Variants in DUSP3 observed in about 807,000 individuals in gnomAD.
DUSP3 encodes dual specificity protein phosphatase 3.
In DUSP3, 7 loss-of-function variants were observed where a neutral mutation model predicts 15.5. That is an observed-to-expected ratio of 0.45 (90% CI 0.26 to 0.85). The LOEUF (loss-of-function observed/expected upper bound fraction) is 0.85, where lower values mean the gene tolerates loss of function less well. Among genes scored for constraint, DUSP3 ranks in the 40% least tolerant of loss-of-function variants. DUSP3 has a pLI of 0.18. For missense variants in DUSP3, 209 were observed against 251.7 expected (o/e 0.83, Z 1.15); for synonymous variants, 86 against 104.2 (o/e 0.83, Z 1.07).
Position 43,769,577 on chromosome 17 carries a change from C to T in DUSP3, c.*32G>A, listed in dbSNP as rs370043858. Reference sequence around the variant, plus strand: ...ACACCTTTGCCCACGGCCTCCCCCACGGACCTCTCGAGCAGAGGTGGTGGG... The same window carrying T: ...ACACCTTTGCCCACGGCCTCCCCCATGGACCTCTCGAGCAGAGGTGGTGGG... On this transcript the variant is annotated 3_prime_UTR_variant, in exon 3 of 3. Coordinates refer to ENST00000226004, the MANE Select transcript of DUSP3 (RefSeq NM_004090.4). 7.9e-5 allele frequency: 127 copies of T among 1,609,280 alleles called. No homozygotes were observed. The African/African-American group carries it at 1.2e-3, about 15-fold the overall frequency.
In DUSP3 at chr17:43,769,405, G is replaced by A. The variant is rs752517247; in HGVS notation, c.*204C>T. ...GTTACAGAAACAGGACAACTGGGGA[G>A]CAAGGACGCCCCCCTTGGCAAGCTT... On this transcript the variant is annotated 3_prime_UTR_variant, in exon 3 of 3. Transcript: ENST00000226004. The A allele has an allele frequency of 5.2e-6, 3 of 573,692 alleles. No individual in the cohort carries two copies. The highest frequency in any genetic ancestry group is 9.1e-6 in the Non-Finnish European group (3 of 331,364). The allele number at this position is 573,692 out of a possible 1,614,324, so 35.5% of individuals were successfully genotyped here. A position where few individuals can be genotyped will look rare whatever the true frequency, so the allele number is the denominator to read the frequency against.
intron 2 of DUSP3, among the ~76,000 whole-genome samples, chr17:43,772,069 A>C (rs960808839): frequency 1.3e-5 from 2 of 152,026 alleles, no homozygotes; most frequent in Admixed American, 6.6e-5. Context: ...ATGCGTTACA[A>C]TCTCTAGCAT....
chr17:43,769,956 T>C, intron 2 of DUSP3, 142 bp from the exon 3 acceptor site: 2 of 969,338 alleles, frequency 2.1e-6, no homozygotes, highest in South Asian at 1.5e-5. Flanking sequence ...ATGAAAAGGA[T>C]GGAAAACCCA....
At chr17:43,770,647 G>A (rs1461517885) in intron 2 of DUSP3, among the ~76,000 whole-genome samples, 4 of 151,448 alleles carry the variant, frequency 2.6e-5, no homozygotes, top group African/African-American at 7.3e-5. Flanking sequence ...GTGACAGAGC[G>A]AGACTCTGTC....
chr17:43,770,688 G>A (rs1252894478), intron 2 of DUSP3, among the ~76,000 whole-genome samples: 3 of 151,562 alleles, frequency 2.0e-5, no homozygotes, highest in Admixed American at 6.6e-5. Flanking sequence ...GCGTGGCAGA[G>A]GCCCTGGGAG....
intron 2 of DUSP3, 45 bp downstream of exon 2, chr17:43,774,667 C>T (rs746924596): frequency 2.1e-5 from 33 of 1,600,970 alleles, no homozygotes; most frequent in Non-Finnish European, 2.8e-5. Flanking sequence ...AGGGACAGTC[C>T]AGTCAGAGCT....
intron 1 of DUSP3, among the ~76,000 whole-genome samples, chr17:43,778,499 C>T (rs1471361164): frequency 1.3e-5 from 2 of 152,170 alleles, no homozygotes; most frequent in Admixed American, 6.5e-5. Context: ...GTAGCCCCGA[C>T]CCCGCCCAAG....
chr17:43,773,991 T>TGGGAGGCTGAGGC (rs1289116285), intron 2 of DUSP3: 1 of 192,078 alleles, frequency 5.2e-6, no homozygotes, highest in African/African-American at 2.4e-5. Flanking sequence ...CCCAGCTACT[T>TGGGAGGCTGAGGC]GGGAGGCTGA....
chr17:43,778,761 G>T, intron 1 of DUSP3, 39 bp downstream of exon 1: 4 of 1,492,466 alleles, frequency 2.7e-6, no homozygotes, highest in Non-Finnish European at 3.6e-6. Flanking sequence ...GGGGCGTCCC[G>T]AGAGGGACGG....
intron 2 of DUSP3, among the ~76,000 whole-genome samples, chr17:43,770,990 A>ATGTG (rs71160061): frequency 1.7e-4 from 25 of 146,762 alleles, no homozygotes; most frequent in South Asian, 1.5e-3. Flanking sequence ...GTGTATATAT[A>ATGTG]TGTGTGTGTG....
At position 43,766,511 on chromosome 17, in the gene DUSP3, T is replaced by C. The variant is rs1290143253; in HGVS notation, c.*3098A>G. On this transcript the variant is annotated 3_prime_UTR_variant, in exon 3 of 3. Transcript: ENST00000226004. ...AGATCAGTACTTTTTTTTTTTTTTT[T>C]CCTTTAAAACAGTAGCATCTTAACT... 1 of 149,002 alleles carries C rather than the reference T, an allele frequency of 6.7e-6. No individual in the cohort carries two copies. The highest frequency in any genetic ancestry group is 1.9e-4 in the East Asian group (1 of 5,192). 9.2% of individuals were successfully genotyped at this position (149,002 alleles called of 1,614,324 possible).
At chr17:43,775,296 TA>T (rs1248125707) in intron 1 of DUSP3, among the ~76,000 whole-genome samples, 1 of 152,166 alleles carries the variant, frequency 6.6e-6, no homozygotes, top group East Asian at 1.9e-4. Context: ...GGGGTGTACA[TA>T]GCCAACTGGT....
Position 43,774,911 on chromosome 17 carries a change from C to G in DUSP3, c.153G>C (p.Leu51=). Residue 51 remains leucine (L), a synonymous_variant, in exon 2 of 3, where the codon CTG becomes CTC. Coordinates refer to ENST00000226004, the MANE Select transcript of DUSP3 (RefSeq NM_004090.4). ...GCACATGGGTGATGCCTAGTTTCTG[C>G]AGCTTGGGGATGTCCTGAGCCACAG... The part of the protein sequence containing the change: ...NASVAQDIPK[L]QKLGITHVLN... 6.2e-7 allele frequency: 1 copy of G among 1,614,186 alleles called. No individual in the cohort carries two copies. The highest frequency in any genetic ancestry group is 2.2e-5 in the East Asian group (1 of 44,882).
In DUSP3 at chr17:43,774,951, C is replaced by G; in HGVS notation, c.126-13G>C. The stretch of plus-strand genomic sequence containing the variant: ...CTGAGCCACAGACCTGGACAGGAGA[C>G]AGTGGTGGGGATGATTAACCAACCA... On this transcript the variant is annotated splice_polypyrimidine_tract_variant and intron_variant, in intron 1 of 2. Transcript: ENST00000226004. The G allele has an allele frequency of 6.2e-6, 10 of 1,613,994 alleles. No individual in the cohort carries two copies. The highest frequency in any genetic ancestry group is 8.5e-6 in the Non-Finnish European group (10 of 1,179,886).
intron 2 of DUSP3, among the ~76,000 whole-genome samples, chr17:43,773,612 C>T (rs1413760811): frequency 6.6e-6 from 1 of 152,124 alleles, no homozygotes; most frequent in African/African-American, 2.4e-5. Context: ...CAGGCAATCA[C>T]GTGAATCTCT....
In DUSP3 at chr17:43,778,957, G is replaced by A; in HGVS notation, c.-33C>T. ...GCGGGGCCCTGCACGCCCGGCAGGA[G>A]CAAGCGAGGCGGAGAGCGGCGGATC... is the stretch of plus-strand genomic sequence containing the variant. On this transcript the variant is annotated 5_prime_UTR_variant, in exon 1 of 3. Transcript: ENST00000226004. The A allele has an allele frequency of 7.4e-7, 1 of 1,359,482 alleles. No individual in the cohort carries two copies. Among genetic ancestry groups the A allele is most frequent in the South Asian group, 1.7e-5 (1 of 58,942 alleles). The allele number at this position is 1,359,482 out of a possible 1,614,324, so 84.2% of individuals were successfully genotyped here. A position where few individuals can be genotyped will look rare whatever the true frequency, so the allele number is the denominator to read the frequency against.
intron 2 of DUSP3, among the ~76,000 whole-genome samples, chr17:43,772,309 C>T (rs575393621): frequency 4.6e-5 from 7 of 152,250 alleles, no homozygotes; most frequent in South Asian, 2.1e-4. Context: ...CCTGTATGCC[C>T]GAAATATTCA....
rs182100279 is a variant in DUSP3, at chr17:43,773,012, G to A, written c.352+1700C>T. On this transcript the variant is annotated intron_variant, in intron 2 of 2. Coordinates refer to ENST00000226004, the MANE Select transcript of DUSP3 (RefSeq NM_004090.4). ...GAGAACAACAAAATCCTTCCCCTTC[G>A]CCCAGCCTATGTTTACACAGGGTGA... Among the ~76,000 whole-genome samples, 203 of 152,266 alleles carry A rather than the reference G, an allele frequency of 1.3e-3. 1 individual carries two copies. The highest frequency in any genetic ancestry group is 1.6e-3 in the Non-Finnish European group (112 of 68,022).
chr17:43,775,033 A>T, intron 1 of DUSP3, 95 bp from the exon 2 acceptor site: 4 of 1,293,652 alleles, frequency 3.1e-6, no homozygotes, highest in South Asian at 1.2e-5. Context: ...TAGCAAAGCA[A>T]GGAAACCCTC....
Sources: gnomAD v4.1 joint callset for allele counts (sites outside exome capture counted in the v4.1 genomes callset) on GRCh38, gnomAD v4.1.1 for gene constraint, MANE v1.5 for transcripts, NCBI Gene and HGNC (gene_info 2026-07-23, HGNC 2026-07-21) for gene names.